Variants in SVIL observed in about 807,000 individuals in gnomAD.
The protein encoded by SVIL is supervillin.
SVIL carries 101 observed loss-of-function variants against 240.4 expected under a neutral mutation model. That is an observed-to-expected ratio of 0.42 (90% CI 0.36 to 0.50). The LOEUF (loss-of-function observed/expected upper bound fraction) is 0.50, where lower values mean the gene tolerates loss of function less well. SVIL is among the 20% of genes least tolerant of loss of function. SVIL has a pLI of 0.01. For synonymous variants in SVIL, 999 were observed against 1,100.0 expected, an observed-to-expected ratio of 0.91 and a Z score of 1.82; for missense variants, 2,512 against 2,818.7, an observed-to-expected ratio of 0.89 and a Z score of 2.46.
In SVIL at chr10:29,642,667, C is replaced by T. The variant is rs368393870; in HGVS notation, c.-201+15302G>A. ...TGTGGACTGAAAATATCAAAATAGT[C>T]TGCAGTTAGATCTCTTCTCTCTCTC... On this transcript the variant is annotated intron_variant, in intron 3 of 35. Transcript: ENST00000375400. Among the ~76,000 whole-genome samples, 3 of 151,988 alleles carry T rather than the reference C, an allele frequency of 2.0e-5. No homozygotes were observed. In the South Asian group the frequency reaches 6.2e-4, roughly 32 times the overall value.
At chr10:29,492,891 T>G (rs953684744) in intron 21 of SVIL, among the ~76,000 whole-genome samples, 1 of 152,200 alleles carries the variant, frequency 6.6e-6, no homozygotes, top group African/African-American at 2.4e-5. Context: ...TGCTAAGTGA[T>G]GTAAACCTAA....
chr10:29,719,164 A>G (rs1023921278), intron 1 of SVIL, among the ~76,000 whole-genome samples: 5 of 152,172 alleles, frequency 3.3e-5, no homozygotes, highest in African/African-American at 1.2e-4. Flanking sequence ...CTGGGTACTC[A>G]GAAAGATGTT....
intron 1 of SVIL, among the ~76,000 whole-genome samples, chr10:29,734,952 A>G (rs879312817): frequency 2.0e-5 from 3 of 152,120 alleles, no homozygotes; most frequent in African/African-American, 7.2e-5. Context: ...TTCTCATTGC[A>G]ATAAACTGTC....
chr10:29,734,138 C>T (rs1964769139), intron 1 of SVIL, among the ~76,000 whole-genome samples: 1 of 152,232 alleles, frequency 6.6e-6, no homozygotes, highest in African/African-American at 2.4e-5. Flanking sequence ...TGATGAAACA[C>T]TGCAAAAAGC....
Position 29,623,785 on chromosome 10 carries a change from A to C in SVIL, c.-201+10635T>G, listed in dbSNP as rs557751541. Among the ~76,000 whole-genome samples, 13 of 151,974 alleles carry C rather than the reference A, an allele frequency of 8.6e-5. No homozygotes were observed. The South Asian group carries it at 2.7e-3, about 32-fold the overall frequency. ...AGAATGGCTTGAACCCAGGAGGGGGAGGTTGCAGTGAGCCGAGATCACACC... is the reference window on the plus strand; with the variant it reads ...AGAATGGCTTGAACCCAGGAGGGGGCGGTTGCAGTGAGCCGAGATCACACC... On this transcript the variant is annotated intron_variant, in intron 1 of 37. Coordinates refer to ENST00000355867, the MANE Select transcript of SVIL (RefSeq NM_021738.3).
intron 1 of SVIL, among the ~76,000 whole-genome samples, chr10:29,721,961 G>T (rs1964010151): frequency 2.0e-5 from 3 of 152,146 alleles, no homozygotes; most frequent in Admixed American, 6.6e-5. Flanking sequence ...ATCAGGCCGG[G>T]TGCTGGTGGC....
intron 1 of SVIL, among the ~76,000 whole-genome samples, chr10:29,706,818 A>C (rs893981144): frequency 6.6e-6 from 1 of 152,158 alleles, no homozygotes; most frequent in Admixed American, 6.5e-5. Context: ...TCTTTGTATA[A>C]GGTGTAAGGA....
At chr10:29,618,056 C>T (rs112738931) in intron 1 of SVIL, among the ~76,000 whole-genome samples, 10 of 152,144 alleles carry the variant, frequency 6.6e-5, no homozygotes, top group African/African-American at 2.4e-4. Context: ...GTAAGGAGCT[C>T]GCTGACACAG....
At chr10:29,635,002 T>C (rs1958257990), upstream of SVIL, 1 of 152,144 alleles carries the variant, frequency 6.6e-6, no homozygotes, top group Non-Finnish European at 1.5e-5. Flanking sequence ...GGGCCTTTTA[T>C]GGCCTGAACT....
At chr10:29,615,975 C>T (rs1957413003) in intron 1 of SVIL, among the ~76,000 whole-genome samples, 1 of 152,188 alleles carries the variant, frequency 6.6e-6, no homozygotes, top group Non-Finnish European at 1.5e-5. Flanking sequence ...AATGACATGG[C>T]ATGATACCCC....
intron 1 of SVIL, among the ~76,000 whole-genome samples, chr10:29,728,934 C>T (rs376096351): frequency 6.6e-6 from 1 of 151,956 alleles, no homozygotes; most frequent in Non-Finnish European, 1.5e-5. Flanking sequence ...GGTGGCTGGG[C>T]GACAGCAACA....
At chr10:29,681,406 GGTGTGTGT>G (rs55839039) in intron 2 of SVIL, among the ~76,000 whole-genome samples, 33 of 134,978 alleles carry the variant, frequency 2.4e-4, no homozygotes, top group East Asian at 6.7e-4. Flanking sequence ...AAGATGGAAT[GGTGTGTGT>G]GTGTGTGTGT....
intron 1 of SVIL, among the ~76,000 whole-genome samples, chr10:29,708,130 C>T (rs1241276809): frequency 1.3e-5 from 2 of 151,580 alleles, no homozygotes; most frequent in African/African-American, 2.4e-5. Flanking sequence ...TGGTGGAGGG[C>T]GCCTGTAGTC....
intron 6 of SVIL, among the ~76,000 whole-genome samples, chr10:29,536,676 G>A (rs1382151155): frequency 2.0e-5 from 3 of 152,068 alleles, no homozygotes; most frequent in East Asian, 3.9e-4. Context: ...TTGGGAGGCC[G>A]GGGTGGGTGG....
At chr10:29,505,449 T>C (rs990861710) in intron 17 of SVIL, among the ~76,000 whole-genome samples, 4 of 152,188 alleles carry the variant, frequency 2.6e-5, no homozygotes, top group Non-Finnish European at 5.9e-5. Flanking sequence ...TACTGTGTGA[T>C]TCCAATTCAA....
chr10:29,536,669 G>C (rs11007645), intron 6 of SVIL, among the ~76,000 whole-genome samples: 10,723 of 152,108 alleles, frequency 0.07, 1,205 homozygotes, highest in African/African-American at 0.24. Context: ...CAGCACTTTG[G>C]GAGGCCGGGG....
chr10:29,615,003 A>G (rs1268793102), intron 1 of SVIL, among the ~76,000 whole-genome samples: 2 of 152,278 alleles, frequency 1.3e-5, no homozygotes, highest in East Asian at 3.9e-4. Context: ...TTTACAGATG[A>G]GGAAATTGAG....
intron 1 of SVIL, among the ~76,000 whole-genome samples, chr10:29,580,936 T>G (rs532493856): frequency 6.6e-6 from 1 of 152,292 alleles, no homozygotes; most frequent in South Asian, 2.1e-4. Context: ...GCGTGAGCCA[T>G]CAAACCAACC....
chr10:29,734,247 G>T (rs1964773442), intron 1 of SVIL, among the ~76,000 whole-genome samples: 1 of 152,152 alleles, frequency 6.6e-6, no homozygotes, highest in Non-Finnish European at 1.5e-5. Flanking sequence ...TTTTAAATAT[G>T]AGTTGGTTTA....
Sources: allele counts gnomAD v4.1 joint callset (sites outside exome capture counted in the v4.1 genomes callset), GRCh38; gene constraint gnomAD v4.1.1; transcripts MANE v1.5; gene names NCBI Gene and HGNC (gene_info 2026-07-23, HGNC 2026-07-21).